ARID1B: variants seen among roughly 807,000 people sequenced by gnomAD.
ARID1B encodes the protein AT-rich interactive domain-containing protein 1B.
A neutral mutation model predicts 212.3 loss-of-function variants in ARID1B; 30 were observed. The ratio of observed to expected loss-of-function variants is 0.14; its 90% CI spans 0.11 to 0.19. The LOEUF is 0.19. ARID1B is among the 10% of genes least tolerant of loss of function. The probability of loss-of-function intolerance (pLI) is 1.00; values close to 1 mark genes in which losing one functional copy is unlikely to be tolerated. For missense variants in ARID1B, 2,891 were observed against 3,204.0 expected (o/e 0.90, Z 2.36); for synonymous variants, 1,402 against 1,301.7 (o/e 1.08, Z -1.66).
intron 2 of ARID1B, among the ~76,000 whole-genome samples, chr6:156,877,087 G>A (rs1393700295): frequency 6.6e-6 from 1 of 151,984 alleles, no homozygotes; most frequent in Non-Finnish European, 1.5e-5. Context: ...TACTCTCAAA[G>A]GTTCTATGAA....
rs1433612683 is a variant in ARID1B at position 157,038,863 on chromosome 6, G to A, written c.2248-45799G>A. On this transcript the variant is annotated intron_variant, in intron 4 of 19. Coordinates refer to ENST00000636930, the MANE Select transcript of ARID1B (RefSeq NM_001374828.1). ...GTCTGCCCTGCTGTGTGAAGCTTCC[G>A]TGTTTGTTCTGTGGCCAACCTAACA... Among the ~76,000 whole-genome samples, 14 of 152,016 alleles carry A rather than the reference G, an allele frequency of 9.2e-5. No individual in the cohort carries two copies. The East Asian group carries it at 1.7e-3, about 19-fold the overall frequency.
chr6:156,936,523 C>T (rs1485832873), intron 4 of ARID1B: 2 of 150,742 alleles, frequency 1.3e-5, no homozygotes, highest in East Asian at 3.9e-4. Context: ...TAAAGGAAGT[C>T]TTCTTTATTA....
intron 1 of ARID1B, among the ~76,000 whole-genome samples, chr6:156,806,018 C>T (rs868454458): frequency 6.6e-6 from 1 of 152,278 alleles, no homozygotes; most frequent in South Asian, 2.1e-4. Flanking sequence ...AGTTCCCCCT[C>T]ACTCCAGTTA....
chr6:157,208,711 TTTTC>T lies in ARID1B; in HGVS notation c.*824_*827del. 4.4e-6 allele frequency: 1 copy of T among 225,370 alleles called. No individual in the cohort carries two copies. The highest frequency in any genetic ancestry group is 8.7e-6 in the Non-Finnish European group (1 of 115,248). The allele number at this position is 225,370 out of a possible 1,614,324, so 14.0% of individuals were successfully genotyped here. A position where few individuals can be genotyped will look rare whatever the true frequency, so the allele number is the denominator to read the frequency against. ...CATTAAACATACCCTCATTTTTTTC[TTTTC>T]TTTTTTTTTTTTTTTTTTAGTACAA... On this transcript the variant is annotated 3_prime_UTR_variant, in exon 20 of 20. Coordinates refer to ENST00000636930, the MANE Select transcript of ARID1B (RefSeq NM_001374828.1).
At chr6:157,161,427 GTGTGTATA>G (rs1790924704) in intron 8 of ARID1B, among the ~76,000 whole-genome samples, 1 of 130,046 alleles carries the variant, frequency 7.7e-6, no homozygotes. Context: ...TTGATTGTGT[GTGTGTATA>G]TATATATATA....
chr6:157,132,792 C>T (rs1375626462), intron 6 of ARID1B, among the ~76,000 whole-genome samples: 1 of 152,330 alleles, frequency 6.6e-6, no homozygotes, highest in East Asian at 1.9e-4. Flanking sequence ...TTGAAGTCCA[C>T]AAGCCATTGG....
chr6:156,795,170 G>A (rs1462104803), intron 1 of ARID1B, among the ~76,000 whole-genome samples: 2 of 151,912 alleles, frequency 1.3e-5, no homozygotes, highest in African/African-American at 4.8e-5. Flanking sequence ...TTCAGGAGGC[G>A]GAGGCTGCTG....
Position 157,210,035 on chromosome 6 carries a change from T to A in ARID1B, c.*2144T>A. The A allele has an allele frequency of 8.6e-6, 2 of 233,042 alleles. No homozygotes were observed. The highest frequency in any genetic ancestry group is 1.7e-5 in the Non-Finnish European group (2 of 117,962). The allele number at this position is 233,042 out of a possible 1,614,324, so 14.4% of individuals were successfully genotyped here. A position where few individuals can be genotyped will look rare whatever the true frequency, so the allele number is the denominator to read the frequency against. ...TTACTCACAGTAATATATGGAAGAG[T>A]TAGACAAGAACATGCAGTTACAGTC... On this transcript the variant is annotated 3_prime_UTR_variant, in exon 20 of 20. Coordinates refer to ENST00000636930, the MANE Select transcript of ARID1B (RefSeq NM_001374828.1).
chr6:156,894,298 A>ATGGGGGCCGGGGGGGATGGGG (rs1788208456), intron 2 of ARID1B, among the ~76,000 whole-genome samples: 1 of 18,616 alleles, frequency 5.4e-5, no homozygotes, highest in Non-Finnish European at 1.0e-4. Context: ...GGGGGTTGGG[A>ATGGGGGCCGGGGGGGATGGGG]TGGGGGCCGG....
At chr6:157,204,331 A>C (rs991137409) in intron 19 of ARID1B, 20 of 181,280 alleles carry the variant, frequency 1.1e-4, no homozygotes, top group African/African-American at 4.5e-4. Context: ...TGTAACATTA[A>C]GTTGTGACTG....
intron 3 of ARID1B, among the ~76,000 whole-genome samples, chr6:156,928,302 G>A (rs987405777): frequency 1.3e-5 from 2 of 152,174 alleles, no homozygotes; most frequent in East Asian, 1.9e-4. Flanking sequence ...GTCTGCCATC[G>A]GATCAGGAGG....
chr6:157,165,123 A>G (rs918631081), intron 8 of ARID1B, among the ~76,000 whole-genome samples: 3 of 152,220 alleles, frequency 2.0e-5, no homozygotes, highest in Non-Finnish European at 2.9e-5. Context: ...CCTGAACCAT[A>G]TAGGGATGTG....
intron 13 of ARID1B, 86 bp downstream of exon 13, chr6:157,184,521 C>A: frequency 6.7e-7 from 1 of 1,490,262 alleles, no homozygotes; most frequent in East Asian, 2.3e-5. Flanking sequence ...CACAGTCAGG[C>A]CAACAGGGAA....
chr6:157,043,310 G>A (rs1056360743), intron 4 of ARID1B, among the ~76,000 whole-genome samples: 12 of 151,918 alleles, frequency 7.9e-5, no homozygotes, highest in Non-Finnish European at 1.6e-4. Flanking sequence ...TTTCCCTCCA[G>A]GCTCCATTCT....
At chr6:157,096,465 G>A (rs1380188017) in intron 5 of ARID1B, among the ~76,000 whole-genome samples, 3 of 152,166 alleles carry the variant, frequency 2.0e-5, no homozygotes, top group Non-Finnish European at 2.9e-5. Context: ...TCCTGAAAGC[G>A]ACTCCACTGT....
At position 157,206,441 on chromosome 6, in the gene ARID1B, C is replaced by T. The variant is rs777539420; in HGVS notation, c.5669C>T (p.Ala1890Val). 4.3e-6 allele frequency: 7 copies of T among 1,614,114 alleles called. No individual in the cohort carries two copies. The highest frequency in any genetic ancestry group is 1.3e-5 in the African/African-American group (1 of 75,032). Reference sequence around the variant, plus strand: ...GAAAAGAGCAGCATCGCTCTGACTGCCCCGGACGCCGCTGCAGACCCAAAG... The same window carrying T: ...GAAAAGAGCAGCATCGCTCTGACTGTCCCGGACGCCGCTGCAGACCCAAAG... ...SDEKSSIALT[A>V]PDAAADPKEK... Residue 1890 changes from alanine (A) to valine (V), a missense_variant, in exon 20 of 20, where the codon GCC becomes GTC. Around this residue, in one of 7 missense-constraint regions of ARID1B, gnomAD observed 332 missense variants for 369.2 expected, o/e 0.90. Coordinates refer to ENST00000636930, the MANE Select transcript of ARID1B (RefSeq NM_001374828.1). The surrounding 1 kb of genome is among the most constrained non-coding windows in gnomAD (Gnocchi z 6.8).
At chr6:157,189,267 G>T (rs1793191018) in intron 13 of ARID1B, among the ~76,000 whole-genome samples, 4 of 152,210 alleles carry the variant, frequency 2.6e-5, no homozygotes, top group Admixed American at 2.6e-4. Context: ...TGTACATTTA[G>T]ATTATTTCCA....
chr6:156,828,851 A>G (rs1288528850), intron 1 of ARID1B, among the ~76,000 whole-genome samples: 2 of 152,202 alleles, frequency 1.3e-5, no homozygotes, highest in African/African-American at 4.8e-5. Flanking sequence ...TTAATCACTC[A>G]ATACCCTCTG....
intron 5 of ARID1B, among the ~76,000 whole-genome samples, chr6:157,104,463 T>C (rs1786318029): frequency 6.6e-6 from 1 of 152,184 alleles, no homozygotes; most frequent in Non-Finnish European, 1.5e-5. Context: ...AATAAAACTG[T>C]CTATTTACGG....
Sources: allele counts gnomAD v4.1 joint callset (sites outside exome capture counted in the v4.1 genomes callset), GRCh38; gene constraint gnomAD v4.1.1; regional missense constraint gnomAD v4.1.1; non-coding constraint Gnocchi (gnomAD v3.1); transcripts MANE v1.5; gene names NCBI Gene and HGNC (gene_info 2026-07-23, HGNC 2026-07-21).